Variants in DUSP3 observed in about 807,000 individuals in gnomAD.
DUSP3 encodes the protein dual specificity phosphatase 3, also known as dual specificity protein phosphatase 3.
In DUSP3, 7 loss-of-function variants were observed where a neutral mutation model predicts 15.5. The ratio of observed to expected loss-of-function variants is 0.45; its 90% confidence interval spans 0.26 to 0.85. The LOEUF (loss-of-function observed/expected upper bound fraction) is 0.85, where lower values mean the gene tolerates loss of function less well. DUSP3 is among the 40% of genes least tolerant of loss of function. The pLI is 0.18. For synonymous variants in DUSP3, 86 were observed against 104.2 expected (o/e 0.83, Z 1.07); for missense variants, 209 against 251.7 (o/e 0.83, Z 1.15).
At chr17:43,772,044 G>A (rs1369973282) in intron 2 of DUSP3, among the ~76,000 whole-genome samples, 1 of 151,640 alleles carries the variant, frequency 6.6e-6, no homozygotes, top group Non-Finnish European at 1.5e-5. Context: ...AGAAATGTGG[G>A]GCATTGATTT....
At position 43,767,722 on chromosome 17, in the gene DUSP3, C is replaced by A. The variant is rs1458511215; in HGVS notation, c.*1887G>T. On this transcript the variant is annotated 3_prime_UTR_variant, in exon 3 of 3. Coordinates refer to ENST00000226004, the MANE Select transcript of DUSP3 (RefSeq NM_004090.4). ...CCCAGTTTAGAGGATGGCCATTTCACTTAGGTGGGTTTATCTGGACACCTT... is the reference window on the plus strand; with the variant it reads ...CCCAGTTTAGAGGATGGCCATTTCAATTAGGTGGGTTTATCTGGACACCTT... 1 of 152,252 alleles carries A rather than the reference C, an allele frequency of 6.6e-6. No homozygotes were observed. Among genetic ancestry groups the A allele is most frequent in the African/African-American group, 2.4e-5 (1 of 41,448 alleles). The allele number at this position is 152,252 out of a possible 1,614,324, so 9.4% of individuals were successfully genotyped here.
At position 43,769,555 on chromosome 17, in the gene DUSP3, C is replaced by A. The variant is rs930826213; in HGVS notation, c.*54G>T. 38 of 1,600,410 alleles carry A rather than the reference C, an allele frequency of 2.4e-5. No homozygotes were observed. The highest frequency in any genetic ancestry group is 3.2e-5 in the Non-Finnish European group (37 of 1,173,116). ...TTCCTAAACATGGCAGCTCGGGACACCTTTGCCCACGGCCTCCCCCACGGA... is the reference window on the plus strand; with the variant it reads ...TTCCTAAACATGGCAGCTCGGGACAACTTTGCCCACGGCCTCCCCCACGGA... On this transcript the variant is annotated 3_prime_UTR_variant, in exon 3 of 3. Coordinates refer to ENST00000226004, the MANE Select transcript of DUSP3 (RefSeq NM_004090.4).
chr17:43,778,947 C>A lies in DUSP3; in HGVS notation c.-23G>T. ...CATGGCGGCGGCGGGGCCCTGCACG[C>A]CCGGCAGGAGCAAGCGAGGCGGAGA... On this transcript the variant is annotated 5_prime_UTR_variant, in exon 1 of 3. Coordinates refer to ENST00000226004, the MANE Select transcript of DUSP3 (RefSeq NM_004090.4). The A allele has an allele frequency of 7.0e-7, 1 of 1,419,550 alleles. No homozygotes were observed. The highest frequency in any genetic ancestry group is 1.4e-5 in the South Asian group (1 of 69,662). 87.9% of individuals were successfully genotyped at this position (1,419,550 alleles called of 1,614,324 possible).
chr17:43,774,862 A>T lies in DUSP3; in HGVS notation c.202T>A (p.Phe68Ile). 1 of 1,614,182 alleles carries T rather than the reference A, an allele frequency of 6.2e-7. No homozygotes were observed. The highest frequency in any genetic ancestry group is 1.1e-5 in the South Asian group (1 of 91,084). Residue 68 changes from phenylalanine (F) to isoleucine (I), a missense_variant, in exon 2 of 3, where the codon TTC (phenylalanine) becomes ATC (isoleucine). Phe to Ile is a conservative substitution (Grantham distance 21). Coordinates refer to ENST00000226004, the MANE Select transcript of DUSP3 (RefSeq NM_004090.4). ...HVLNAAEGRS[F>I]MHVNTNANFY... ...TTGGCATTGGTGTTGACGTGCATGA[A>T]GGACCTGCCCTCAGCCGCGTTCAGC...
At position 43,774,758 on chromosome 17, in the gene DUSP3, AAAGT is replaced by A. The variant is rs1192237353; in HGVS notation, c.302_305del (p.Tyr101LeufsTer33). On this transcript the variant is annotated frameshift_variant, in exon 2 of 3. Transcript: ENST00000226004. LOFTEE classifies it high-confidence loss of function. ...GGTCAATGAAGTCGGCAGCCCTTTC[AAAGT>A]AAGCGCTGAGGTTGAACTCCTGTGT... 6.2e-7 allele frequency: 1 copy of A among 1,614,132 alleles called. No homozygotes were observed. The highest frequency in any genetic ancestry group is 8.5e-7 in the Non-Finnish European group (1 of 1,180,002).
Position 43,778,933 on chromosome 17 carries a change from C to T in DUSP3, c.-9G>A, listed in dbSNP as rs1308350857. 2.8e-6 allele frequency: 4 copies of T among 1,446,632 alleles called. No individual in the cohort carries two copies. The highest frequency in any genetic ancestry group is 1.4e-5 in the South Asian group (1 of 73,500). 89.6% of individuals were successfully genotyped at this position (1,446,632 alleles called of 1,614,324 possible). A position where few individuals can be genotyped will look rare whatever the true frequency, so the allele number is the denominator to read the frequency against. On this transcript the variant is annotated 5_prime_UTR_variant, in exon 1 of 3. Coordinates refer to ENST00000226004, the MANE Select transcript of DUSP3 (RefSeq NM_004090.4). ...TCGAACGAGCCCGACATGGCGGCGG[C>T]GGGGCCCTGCACGCCCGGCAGGAGC...
rs1436052494 is a variant in DUSP3 at position 43,768,627 on chromosome 17, C to T, written c.*982G>A. The T allele has an allele frequency of 6.6e-6, 1 of 152,218 alleles. No homozygotes were observed. The highest frequency in any genetic ancestry group is 1.5e-5 in the Non-Finnish European group (1 of 68,070). 9.4% of individuals were successfully genotyped at this position (152,218 alleles called of 1,614,324 possible). ...CGCCCCCCACACACATCCATGCACA[C>T]ACGCTGTAATTGGCCAACTTCCTCC... On this transcript the variant is annotated 3_prime_UTR_variant, in exon 3 of 3. Transcript: ENST00000226004.
chr17:43,768,267 T>C lies in DUSP3; in HGVS notation c.*1342A>G, dbSNP rs1440604406. On this transcript the variant is annotated 3_prime_UTR_variant, in exon 3 of 3. Coordinates refer to ENST00000226004, the MANE Select transcript of DUSP3 (RefSeq NM_004090.4). ...AAGATAAATAGCATCACAATCACTT[T>C]CCATAATAACAATAACGTAAAATCC... The C allele has an allele frequency of 2.0e-5, 3 of 152,200 alleles. No individual in the cohort carries two copies. The highest frequency in any genetic ancestry group is 4.4e-5 in the Non-Finnish European group (3 of 68,046). 9.4% of individuals were successfully genotyped at this position (152,200 alleles called of 1,614,324 possible).
At chr17:43,777,771 A>G (rs779143569) in intron 1 of DUSP3, 39 of 253,522 alleles carry the variant, frequency 1.5e-4, no homozygotes, top group Admixed American at 2.9e-4. Context: ...TTCACATCTC[A>G]GAATGTTAAC....
At chr17:43,778,502 C>T (rs1341963512) in intron 1 of DUSP3, among the ~76,000 whole-genome samples, 4 of 152,176 alleles carry the variant, frequency 2.6e-5, no homozygotes, top group Admixed American at 6.5e-5. Context: ...GCCCCGACCC[C>T]GCCCAAGGCC....
At chr17:43,777,481 C>T in intron 1 of DUSP3, 1 of 455,842 alleles carries the variant, frequency 2.2e-6, no homozygotes. Context: ...CGTGGCAGTC[C>T]TTGGCAGGCT....
chr17:43,777,584 T>C (rs1974405175), intron 1 of DUSP3: 2 of 455,408 alleles, frequency 4.4e-6, no homozygotes, highest in African/African-American at 4.0e-5. Context: ...GAGCCACCAT[T>C]TCCTCCTCTG....
chr17:43,776,113 C>T (rs941944366), intron 1 of DUSP3, among the ~76,000 whole-genome samples: 10 of 151,900 alleles, frequency 6.6e-5, no homozygotes, highest in South Asian at 2.1e-4. Flanking sequence ...AGTGAGACTC[C>T]GTCTCGAAAA....
chr17:43,773,921 GA>G (rs1380159821), intron 2 of DUSP3: 2 of 165,734 alleles, frequency 1.2e-5, no homozygotes, highest in African/African-American at 4.8e-5. Context: ...CCAACATGGT[GA>G]AACCCCATCT....
intron 2 of DUSP3, among the ~76,000 whole-genome samples, chr17:43,770,349 C>G (rs1470822686): frequency 2.0e-5 from 3 of 152,188 alleles, no homozygotes; most frequent in South Asian, 2.1e-4. Context: ...CGGGCAAAAC[C>G]ATCTGTGCTG....
At chr17:43,775,034 G>T in intron 1 of DUSP3, 96 bp from the exon 2 acceptor site, 1 of 1,291,992 alleles carries the variant, frequency 7.7e-7, no homozygotes, top group East Asian at 2.3e-5. Context: ...AGCAAAGCAA[G>T]GAAACCCTCC....
chr17:43,771,056 C>T (rs73318397), intron 2 of DUSP3, among the ~76,000 whole-genome samples: 8,012 of 145,884 alleles, frequency 0.055, 675 homozygotes, highest in African/African-American at 0.19. Context: ...AAATAGACAC[C>T]ATCTCTCAAT....
intron 1 of DUSP3, 126 bp downstream of exon 1, chr17:43,778,674 G>A: frequency 7.9e-7 from 1 of 1,265,790 alleles, no homozygotes; most frequent in South Asian, 1.8e-5. Flanking sequence ...CCCCCGCTGT[G>A]GCTCCCGGAG....
In DUSP3 at chr17:43,769,817, G is replaced by A. The variant is rs766570843; in HGVS notation, c.353-3C>T. The A allele has an allele frequency of 8.7e-6, 14 of 1,613,984 alleles. No individual in the cohort carries two copies. Among genetic ancestry groups the A allele is most frequent in the East Asian group, 2.2e-5 (1 of 44,890 alleles). ...CCGGCAGTGGACGAGCACCCGGCCT[G>A]TAAGAAACAGGGGAGACGTGGTGAG... is the stretch of plus-strand genomic sequence containing the variant. On this transcript the variant is annotated splice_region_variant and splice_polypyrimidine_tract_variant and intron_variant, in intron 2 of 2. Coordinates refer to ENST00000226004, the MANE Select transcript of DUSP3 (RefSeq NM_004090.4).
Sources: allele counts gnomAD v4.1 joint callset (sites outside exome capture counted in the v4.1 genomes callset), GRCh38; gene constraint gnomAD v4.1.1; transcripts MANE v1.5; gene names NCBI Gene and HGNC (gene_info 2026-07-23, HGNC 2026-07-21).